CASQ2: variants seen among roughly 807,000 people sequenced by gnomAD.
CASQ2 encodes calsequestrin 2.
In CASQ2, 49 loss-of-function variants were observed where a neutral mutation model predicts 46.5. The ratio of observed to expected loss-of-function variants is 1.05; its 90% CI spans 0.84 to 1.34. The LOEUF is 1.34. Among genes scored for constraint, CASQ2 ranks in the 40% most tolerant of loss-of-function variants. CASQ2 has a pLI of 0.00. For missense variants in CASQ2, 486 were observed against 481.3 expected (o/e 1.01, Z -0.09); for synonymous variants, 174 against 168.5 (o/e 1.03, Z -0.25).
At chr1:115,706,962 C>G (rs1310433931) in intron 8 of CASQ2, among the ~76,000 whole-genome samples, 2 of 152,064 alleles carry the variant, frequency 1.3e-5, no homozygotes, top group African/African-American at 2.4e-5. Context: ...CTAGCTCACA[C>G]TGAAGATTCA....
At chr1:115,732,473 G>C (rs367980592) in intron 5 of CASQ2, among the ~76,000 whole-genome samples, 12 of 152,130 alleles carry the variant, frequency 7.9e-5, no homozygotes, top group African/African-American at 2.9e-4. Context: ...CTTGTTTTTC[G>C]CAGAACACTT....
chr1:115,702,673 A>T (rs1654244016), intron 10 of CASQ2, among the ~76,000 whole-genome samples: 1 of 152,206 alleles, frequency 6.6e-6, no homozygotes, highest in African/African-American at 2.4e-5. Context: ...GAAAGTTCCA[A>T]ATCAGTGATT....
At chr1:115,743,883 T>C (rs919742370) in intron 2 of CASQ2, among the ~76,000 whole-genome samples, 4 of 151,928 alleles carry the variant, frequency 2.6e-5, no homozygotes, top group East Asian at 3.9e-4. Flanking sequence ...ACGCCTGTAA[T>C]CCCACCATTT....
chr1:115,703,208 T>C (rs935451872), intron 9 of CASQ2, among the ~76,000 whole-genome samples: 1 of 151,932 alleles, frequency 6.6e-6, no homozygotes, highest in Admixed American at 6.6e-5. Flanking sequence ...TATGGAAACA[T>C]GTGTCTGCAG....
chr1:115,710,070 C>T (rs1017827278), intron 8 of CASQ2, among the ~76,000 whole-genome samples: 2 of 152,140 alleles, frequency 1.3e-5, no homozygotes, highest in Non-Finnish European at 2.9e-5. Context: ...TCTTGAACTC[C>T]TGGGCTCAAG....
chr1:115,736,300 G>A (rs1647956944), intron 4 of CASQ2, among the ~76,000 whole-genome samples: 1 of 152,002 alleles, frequency 6.6e-6, no homozygotes, highest in Non-Finnish European at 1.5e-5. Context: ...TCTTGATAAG[G>A]AATTTCATGT....
chr1:115,729,105 A>G (rs1400141647), intron 5 of CASQ2, among the ~76,000 whole-genome samples: 2 of 129,110 alleles, frequency 1.5e-5, no homozygotes, highest in Admixed American at 1.0e-4. Context: ...GCTGGGGTTC[A>G]ATGGCACAGT....
intron 1 of CASQ2, among the ~76,000 whole-genome samples, chr1:115,761,445 G>A (rs1381058570): frequency 9.6e-5 from 1 of 10,464 alleles, no homozygotes; most frequent in African/African-American, 3.4e-4. Flanking sequence ...GAAGAAAGAA[G>A]AAGAAGAAGA....
intron 1 of CASQ2, among the ~76,000 whole-genome samples, chr1:115,764,476 G>C (rs755325970): frequency 1.3e-4 from 20 of 152,120 alleles, no homozygotes; most frequent in Non-Finnish European, 1.3e-4. Context: ...TTGCCTTTTA[G>C]TTCTTTTCCA....
intron 10 of CASQ2, among the ~76,000 whole-genome samples, chr1:115,701,948 G>C (rs1287325125): frequency 2.0e-5 from 3 of 149,330 alleles, no homozygotes; most frequent in African/African-American, 7.4e-5. Context: ...TTGAGATGGA[G>C]TTTTGCTCTT....
Position 115,704,170 on chromosome 1 carries a change from C to A in CASQ2, c.939+1022G>T, listed in dbSNP as rs75032878. 2.9e-3 allele frequency among the ~76,000 whole-genome samples: 447 copies of A among 152,210 alleles called. 1 individual carries two copies. The highest frequency in any genetic ancestry group is 0.01 in the African/African-American group (417 of 41,534). Reference sequence around the variant, plus strand: ...GCTGATTTTCAGGACCCTTGAGATCCCTCTCAATTTTCTCTATTTAATCAC... The same window carrying A: ...GCTGATTTTCAGGACCCTTGAGATCACTCTCAATTTTCTCTATTTAATCAC... On this transcript the variant is annotated intron_variant, in intron 9 of 10. Transcript: ENST00000261448.
At chr1:115,712,749 G>T (rs555137809) in intron 8 of CASQ2, among the ~76,000 whole-genome samples, 1 of 151,728 alleles carries the variant, frequency 6.6e-6, no homozygotes, top group Admixed American at 6.6e-5. Flanking sequence ...CCAGCTACTC[G>T]GGAGGCTGAG....
At chr1:115,708,325 AG>A (rs1654426573) in intron 8 of CASQ2, among the ~76,000 whole-genome samples, 1 of 152,230 alleles carries the variant, frequency 6.6e-6, no homozygotes, top group Admixed American at 6.5e-5. Flanking sequence ...AAGCTGAAAA[AG>A]TTTCCTCTAG....
chr1:115,738,859 T>G (rs931061316), intron 3 of CASQ2, among the ~76,000 whole-genome samples: 2 of 152,052 alleles, frequency 1.3e-5, no homozygotes, highest in African/African-American at 4.8e-5. Context: ...TTGCACCCTT[T>G]GATCATTATC....
chr1:115,729,035 C>CTTTTTTTTTTTTTTTTTTTT (rs753965730), intron 5 of CASQ2, among the ~76,000 whole-genome samples: 1 of 68,834 alleles, frequency 1.5e-5, no homozygotes, highest in Non-Finnish European at 2.7e-5. Flanking sequence ...CTCTTTCATT[C>CTTTTTTTTTTTTTTTTTTTT]TTTTTTTTTT....
intron 2 of CASQ2, among the ~76,000 whole-genome samples, chr1:115,741,186 C>T (rs7547361): frequency 0.71 from 108,096 of 152,072 alleles, 42,144 homozygotes; most frequent in Non-Finnish European, 0.88. Flanking sequence ...TTTAAAGTCC[C>T]TCCAAAATCT....
At position 115,703,041 on chromosome 1, in the gene CASQ2, C is replaced by A. The variant is rs774205511; in HGVS notation, c.940-46G>T. On this transcript the variant is annotated intron_variant, in intron 9 of 10. Coordinates refer to ENST00000261448, the MANE Select transcript of CASQ2 (RefSeq NM_001232.4). ...GATTAGACAGCAGGCAGAGGGCATT[C>A]TCTGTTAAGGACCCACCCGCCGTCC... is the stretch of plus-strand genomic sequence containing the variant. The A allele has an allele frequency of 1.0e-5, 15 of 1,495,078 alleles. 1 individual carries two copies. The Middle Eastern group carries it at 2.4e-3, about 238-fold the overall frequency. 92.6% of individuals were successfully genotyped at this position (1,495,078 alleles called of 1,614,324 possible).
intron 5 of CASQ2, among the ~76,000 whole-genome samples, chr1:115,730,974 C>T (rs1318673953): frequency 6.6e-6 from 1 of 152,198 alleles, no homozygotes; most frequent in Non-Finnish European, 1.5e-5. Flanking sequence ...CAGGTGCAGT[C>T]ATGCCTTCTG....
At chr1:115,717,252 G>C (rs1447582984) in intron 8 of CASQ2, among the ~76,000 whole-genome samples, 2 of 152,172 alleles carry the variant, frequency 1.3e-5, no homozygotes, top group Admixed American at 6.5e-5. Context: ...ATAGCAATGT[G>C]AGAATGGACT....
Sources: gnomAD v4.1 joint callset for allele counts (sites outside exome capture counted in the v4.1 genomes callset) on GRCh38, gnomAD v4.1.1 for gene constraint, MANE v1.5 for transcripts, NCBI Gene and HGNC (gene_info 2026-07-23, HGNC 2026-07-21) for gene names.